Variants in NTM observed in about 807,000 individuals in gnomAD.
NTM encodes neurotrimin.
NTM carries 13 observed loss-of-function variants against 42.1 expected under a neutral mutation model. That is an observed-to-expected ratio of 0.31 (90% CI 0.20 to 0.49). NTM has a LOEUF of 0.49. Among genes scored for constraint, NTM ranks in the 20% least tolerant of loss-of-function variants. The pLI is 0.99. For synonymous variants in NTM, 187 were observed against 179.2 expected (o/e 1.04, Z -0.35); for missense variants, 373 against 452.8 (o/e 0.82, Z 1.60).
At chr11:132,290,190 T>C (rs1475495219) in intron 4 of NTM, among the ~76,000 whole-genome samples, 1 of 152,198 alleles carries the variant, frequency 6.6e-6, no homozygotes, top group African/African-American at 2.4e-5. Context: ...TACCCCATAA[T>C]AACTTGGACT....
chr11:132,124,144 C>T (rs939605770), intron 2 of NTM, among the ~76,000 whole-genome samples: 1 of 152,146 alleles, frequency 6.6e-6, no homozygotes, highest in Non-Finnish European at 1.5e-5. Context: ...GATCAATAAA[C>T]GTTAGTCAGG....
chr11:131,760,655 G>T (rs1458489477), intron 1 of NTM, among the ~76,000 whole-genome samples: 1 of 152,174 alleles, frequency 6.6e-6, no homozygotes, highest in Non-Finnish European at 1.5e-5. Context: ...TGCTGAGACA[G>T]TCAGTGCTGT....
chr11:131,851,905 A>T (rs577887923), intron 1 of NTM, among the ~76,000 whole-genome samples: 1 of 152,282 alleles, frequency 6.6e-6, no homozygotes, highest in Admixed American at 6.5e-5. Flanking sequence ...TGTCATTTTC[A>T]TAAAGAGTTC....
chr11:131,651,504 C>T (rs150043831), intron 1 of NTM, among the ~76,000 whole-genome samples: 92 of 152,238 alleles, frequency 6.0e-4, no homozygotes, highest in African/African-American at 2.0e-3. Context: ...ACATTCAGCT[C>T]GGGACTAGTG....
At chr11:132,239,180 A>C (rs2089703414) in intron 4 of NTM, among the ~76,000 whole-genome samples, 1 of 152,234 alleles carries the variant, frequency 6.6e-6, no homozygotes, top group South Asian at 2.1e-4. Context: ...ATGTCGTAAG[A>C]AATTACTTTT....
At chr11:131,856,583 G>T (rs2046123233) in intron 1 of NTM, among the ~76,000 whole-genome samples, 1 of 152,128 alleles carries the variant, frequency 6.6e-6, no homozygotes, top group African/African-American at 2.4e-5. Context: ...ATTAAATGAT[G>T]AACAAAGCAG....
chr11:132,173,012 C>T, intron 3 of NTM, among the ~76,000 whole-genome samples: 1 of 152,162 alleles, frequency 6.6e-6, no homozygotes, highest in East Asian at 1.9e-4. Flanking sequence ...CTATAGCTCT[C>T]AATGTCTAAA....
At chr11:131,466,116 G>C (rs1343103754) in intron 1 of NTM, among the ~76,000 whole-genome samples, 1 of 152,210 alleles carries the variant, frequency 6.6e-6, no homozygotes, top group Non-Finnish European at 1.5e-5. Flanking sequence ...GATCTATTCT[G>C]GATCCTCTCA....
At chr11:131,591,311 A>G (rs1201460790) in intron 1 of NTM, among the ~76,000 whole-genome samples, 1 of 152,132 alleles carries the variant, frequency 6.6e-6, no homozygotes, top group African/African-American at 2.4e-5. Flanking sequence ...ATCTGTAACA[A>G]ATGACTTCCC....
At chr11:132,275,681 C>T (rs1363074394) in intron 4 of NTM, among the ~76,000 whole-genome samples, 1 of 83,474 alleles carries the variant, frequency 1.2e-5, no homozygotes, top group Non-Finnish European at 2.7e-5. Flanking sequence ...TGAAGTACAA[C>T]TTGATGTTTT....
At chr11:131,620,592 A>G (rs2062425120) in intron 1 of NTM, among the ~76,000 whole-genome samples, 1 of 152,078 alleles carries the variant, frequency 6.6e-6, no homozygotes. Context: ...ACCAGGCATA[A>G]TCCTGCCTCA....
chr11:131,582,835 T>G (rs892764902), intron 1 of NTM, among the ~76,000 whole-genome samples: 1 of 152,172 alleles, frequency 6.6e-6, no homozygotes, highest in African/African-American at 2.4e-5. Context: ...TACTGGCGTT[T>G]GGGGTAATGC....
chr11:132,134,327 A>T (rs539885484), intron 2 of NTM, among the ~76,000 whole-genome samples: 5 of 151,706 alleles, frequency 3.3e-5, no homozygotes, highest in African/African-American at 7.3e-5. Context: ...GCTTTTATTT[A>T]TTTATTTTTT....
rs6144568 is a variant in NTM at position 132,138,563 on chromosome 11, AATCTATCTATCTATCTATCT to A, written c.168-7680_168-7661del. Among the ~76,000 whole-genome samples, 1,014 of 127,168 alleles carry A rather than the reference AATCTATCTATCTATCTATCT, an allele frequency of 8.0e-3. 8 individuals carry two copies. The highest frequency in any genetic ancestry group is 0.016 in the African/African-American group (553 of 34,384). 83.4% of individuals were successfully genotyped at this position (127,168 alleles called of 152,430 possible). A position where few individuals can be genotyped will look rare whatever the true frequency, so the allele number is the denominator to read the frequency against. On this transcript the variant is annotated intron_variant, in intron 2 of 8. Coordinates refer to ENST00000683400, the MANE Select transcript of NTM (RefSeq NM_001352005.2). ...TAGTCTGGGTTTTCCTTTTCAACAG[AATCTATCTATCTATCTATCT>A]ATCTATCTATCTATCTATCTATCTA...
chr11:131,624,135 G>A (rs147219341), intron 1 of NTM, among the ~76,000 whole-genome samples: 81 of 152,298 alleles, frequency 5.3e-4, no homozygotes, highest in Middle Eastern at 3.4e-3. Flanking sequence ...AGACAATAGG[G>A]TTCAGATTCC....
At chr11:132,212,202 C>A (rs940010066) in intron 4 of NTM, 55 bp downstream of exon 4, 5 of 1,518,472 alleles carry the variant, frequency 3.3e-6, no homozygotes, top group Non-Finnish European at 3.6e-6. Flanking sequence ...GAATTTTGGG[C>A]CTTTGGTAGG....
chr11:131,851,638 G>T lies in NTM; in HGVS notation c.83-59926G>T, dbSNP rs539824215. On this transcript the variant is annotated intron_variant, in intron 1 of 8. Coordinates refer to ENST00000683400, the MANE Select transcript of NTM (RefSeq NM_001352005.2). ...AAGCTTCTCCTAGCCCTTTGCAGAG[G>T]GCTTGGCATCTTTCTTCTGTGCCAC... Among the ~76,000 whole-genome samples, 3 of 151,750 alleles carry T rather than the reference G, an allele frequency of 2.0e-5. No individual in the cohort carries two copies. The East Asian group carries it at 5.9e-4, about 30-fold the overall frequency.
intron 8 of NTM, 60 bp downstream of exon 8, chr11:132,330,245 AC>A (rs1324761805): frequency 1.3e-6 from 2 of 1,530,436 alleles, no homozygotes; most frequent in African/African-American, 2.8e-5. Context: ...AAAACTCTTC[AC>A]CTTCCTCCCA....
intron 2 of NTM, among the ~76,000 whole-genome samples, chr11:131,925,246 G>T (rs1236533620): frequency 6.6e-6 from 1 of 152,072 alleles, no homozygotes; most frequent in Non-Finnish European, 1.5e-5. Flanking sequence ...TGTGCCAGAA[G>T]TATTCTAATA....
Sources: allele counts gnomAD v4.1 joint callset (sites outside exome capture counted in the v4.1 genomes callset), GRCh38; gene constraint gnomAD v4.1.1; transcripts MANE v1.5; gene names NCBI Gene and HGNC (gene_info 2026-07-23, HGNC 2026-07-21).